Variants in ZNF736 observed in about 807,000 individuals in gnomAD.
ZNF736 encodes zinc finger protein 736.
ZNF736 carries 6 observed loss-of-function variants against 11.7 expected under a neutral mutation model. The ratio of observed to expected loss-of-function variants is 0.51; its 90% confidence interval spans 0.28 to 1.01. The LOEUF (loss-of-function observed/expected upper bound fraction) is 1.01. Among genes scored for constraint, ZNF736 ranks in the 50% least tolerant of loss-of-function variants. ZNF736 has a pLI of 0.09. For missense variants in ZNF736, 444 were observed against 496.0 expected, an observed-to-expected ratio of 0.90 and a Z score of 1.00; for synonymous variants, 139 against 164.7, an observed-to-expected ratio of 0.84 and a Z score of 1.19.
intron 3 of ZNF736, among the ~76,000 whole-genome samples, chr7:64,343,953 CTTTTT>C (rs142010013): frequency 6.8e-6 from 1 of 147,982 alleles, no homozygotes. Flanking sequence ...TGTATATTTG[CTTTTT>C]TTTTTTTTAT....
intron 1 of ZNF736, among the ~76,000 whole-genome samples, chr7:64,327,338 T>C (rs1789096284): frequency 6.6e-6 from 1 of 152,190 alleles, no homozygotes; most frequent in Admixed American, 6.5e-5. Flanking sequence ...TAGCTATTCC[T>C]CCTCTTTTTT....
In ZNF736 at chr7:64,341,222, T is replaced by G. The variant is rs145545285; in HGVS notation, c.226+4240T>G. 2.0e-3 allele frequency among the ~76,000 whole-genome samples: 306 copies of G among 152,238 alleles called. 2 individuals carry two copies. The highest frequency in any genetic ancestry group is 6.4e-3 in the African/African-American group (267 of 41,572). On this transcript the variant is annotated intron_variant, in intron 3 of 3. Coordinates refer to ENST00000423484, the MANE Select transcript of ZNF736 (RefSeq NM_001170905.3). ...TTGTTATTGAGCATACTTAGTATCA[T>G]TATTTTGACATCTTTGTCAGATAAT...
intron 1 of ZNF736, among the ~76,000 whole-genome samples, chr7:64,323,542 G>T (rs1789031191): frequency 1.3e-5 from 2 of 152,268 alleles, no homozygotes; most frequent in Admixed American, 1.3e-4. Flanking sequence ...ATATACCATG[G>T]AATACTATGC....
At chr7:64,340,106 G>A (rs191314129) in intron 3 of ZNF736, among the ~76,000 whole-genome samples, 34 of 152,290 alleles carry the variant, frequency 2.2e-4, no homozygotes, top group Admixed American at 1.7e-3. Flanking sequence ...GCCAGCACTA[G>A]GGCAGTGTTC....
chr7:64,327,122 C>G (rs567534139), intron 1 of ZNF736, among the ~76,000 whole-genome samples: 31 of 152,114 alleles, frequency 2.0e-4, no homozygotes, highest in Non-Finnish European at 4.4e-4. Flanking sequence ...TCTGGATGAT[C>G]TGTCTACTGT....
intron 2 of ZNF736, 77 bp downstream of exon 2, chr7:64,336,462 C>G: frequency 5.6e-6 from 8 of 1,420,602 alleles, no homozygotes; most frequent in Non-Finnish European, 6.5e-6. Context: ...GGAGGTTCTG[C>G]TTTGCATAAA....
chr7:64,326,105 TAA>T (rs560272333), intron 1 of ZNF736, among the ~76,000 whole-genome samples: 17 of 149,400 alleles, frequency 1.1e-4, no homozygotes, highest in Non-Finnish European at 2.5e-4. Context: ...TTTAATTATG[TAA>T]AAAAAAAAAT....
chr7:64,348,988 C>T lies in ZNF736; in HGVS notation c.1125C>T (p.Ser375=). The T allele has an allele frequency of 1.3e-6, 2 of 1,589,876 alleles. No homozygotes were observed. Among genetic ancestry groups the T allele is most frequent in the Non-Finnish European group, 1.7e-6 (2 of 1,167,508 alleles). The change falls in exon 4 of 4, where the codon AGC becomes AGT. Residue 375 remains serine (S), a synonymous_variant. Transcript: ENST00000423484. ...EERPYKCEEC[S]KTFKCFSDLT... ...GACCTTACAAATGTGAAGAATGCAG[C>T]AAAACCTTTAAGTGCTTCTCAGACC...
At chr7:64,330,516 G>T (rs1483150323) in intron 1 of ZNF736, among the ~76,000 whole-genome samples, 1 of 151,968 alleles carries the variant, frequency 6.6e-6, no homozygotes, top group Non-Finnish European at 1.5e-5. Context: ...AGGAGCCAAG[G>T]CCTGAAATCA....
chr7:64,335,250 G>A (rs1286131331), intron 1 of ZNF736, among the ~76,000 whole-genome samples: 1 of 151,732 alleles, frequency 6.6e-6, no homozygotes, highest in African/African-American at 2.4e-5. Context: ...CATGACACAT[G>A]TATACCTATG....
intron 3 of ZNF736, among the ~76,000 whole-genome samples, chr7:64,343,681 T>C (rs1789369881): frequency 6.6e-6 from 1 of 152,228 alleles, no homozygotes; most frequent in Admixed American, 6.5e-5. Context: ...TGATTCAATA[T>C]TTTTTGGTTA....
At chr7:64,314,288 T>G (rs1788880612) in intron 1 of ZNF736, 135 bp downstream of exon 1, 17 of 1,147,244 alleles carry the variant, frequency 1.5e-5, no homozygotes, top group Non-Finnish European at 2.1e-5. Flanking sequence ...CGGGCACAGC[T>G]CAATCCTCAT....
chr7:64,348,869 A>G lies in ZNF736; in HGVS notation c.1006A>G (p.Thr336Ala). 1.2e-6 allele frequency: 2 copies of G among 1,607,300 alleles called. No individual in the cohort carries two copies. The highest frequency in any genetic ancestry group is 8.5e-7 in the Non-Finnish European group (1 of 1,176,678). Residue 336 changes from threonine (T) to alanine (A), a missense_variant, in exon 4 of 4, where the codon ACT becomes GCT. Transcript: ENST00000423484. ...SALSKHKRIH[T>A]GEKPYICEEC... ...CCTTAGTAAACATAAGAGAATTCAT[A>G]CTGGAGAGAAACCCTACATCTGTGA... is the stretch of plus-strand genomic sequence containing the variant.
Position 64,314,044 on chromosome 7 carries a change from C to T in ZNF736, c.-107C>T. The T allele has an allele frequency of 6.8e-7, 1 of 1,479,430 alleles. No homozygotes were observed. The highest frequency in any genetic ancestry group is 1.2e-5 in the South Asian group (1 of 82,564). The allele number at this position is 1,479,430 out of a possible 1,614,324, so 91.6% of individuals were successfully genotyped here. A position where few individuals can be genotyped will look rare whatever the true frequency, so the allele number is the denominator to read the frequency against. ...TCGCGTCTCCACTGTTCCATCTCCT[C>T]CGTTCCTGGAGTTCCTCGGTGACTC... On this transcript the variant is annotated 5_prime_UTR_variant, in exon 1 of 4. Coordinates refer to ENST00000423484, the MANE Select transcript of ZNF736 (RefSeq NM_001170905.3).
chr7:64,323,141 T>A (rs571578542), intron 1 of ZNF736, among the ~76,000 whole-genome samples: 5 of 152,364 alleles, frequency 3.3e-5, no homozygotes, highest in Non-Finnish European at 5.9e-5. Flanking sequence ...TCTAACCAAT[T>A]ACAGCTGTGA....
At chr7:64,339,895 A>G (rs1789312298) in intron 3 of ZNF736, among the ~76,000 whole-genome samples, 1 of 152,238 alleles carries the variant, frequency 6.6e-6, no homozygotes, top group Admixed American at 6.5e-5. Context: ...CTCAGTAGGT[A>G]CAAATCTTCT....
Position 64,355,988 on chromosome 7 carries a change from G to T in ZNF736, c.*6841G>T. 1 of 182,958 alleles carries T rather than the reference G, an allele frequency of 5.5e-6. No individual in the cohort carries two copies. Among genetic ancestry groups the T allele is most frequent in the South Asian group, 1.2e-4 (1 of 8,522 alleles). The allele number at this position is 182,958 out of a possible 1,614,324, so 11.3% of individuals were successfully genotyped here. On this transcript the variant is annotated 3_prime_UTR_variant, in exon 4 of 4. Transcript: ENST00000423484. The stretch of plus-strand genomic sequence containing the variant: ...TATATAGAGTGGTTATGCTGCATCA[G>T]GTCCTAAGAAAACCCACCTTCTGCC...
rs1789474755 is a variant in ZNF736, at chr7:64,350,748, G to T, written c.*1601G>T. On this transcript the variant is annotated 3_prime_UTR_variant, in exon 4 of 4. Coordinates refer to ENST00000423484, the MANE Select transcript of ZNF736 (RefSeq NM_001170905.3). ...GGTATAAGATGGATGCAGCCAACAG[G>T]CTTTGTTCCTGGGAGGTTTTTTTTG... 2 of 148,438 alleles carry T rather than the reference G, an allele frequency of 1.3e-5. No individual in the cohort carries two copies. The highest frequency in any genetic ancestry group is 4.5e-4 in the South Asian group (2 of 4,486). 9.2% of individuals were successfully genotyped at this position (148,438 alleles called of 1,614,324 possible). A position where few individuals can be genotyped will look rare whatever the true frequency, so the allele number is the denominator to read the frequency against.
At chr7:64,325,767 C>A (rs1265420551) in intron 1 of ZNF736, among the ~76,000 whole-genome samples, 2 of 152,208 alleles carry the variant, frequency 1.3e-5, no homozygotes, top group African/African-American at 4.8e-5. Flanking sequence ...ACTTTGTCAG[C>A]CTTTTTAACT....
Sources: allele counts gnomAD v4.1 joint callset (sites outside exome capture counted in the v4.1 genomes callset), GRCh38; gene constraint gnomAD v4.1.1; transcripts MANE v1.5; gene names NCBI Gene and HGNC (gene_info 2026-07-23, HGNC 2026-07-21).